Variants in LOC122539214 observed in about 807,000 individuals in gnomAD.
At chr19:52,687,475 T>TCTATATAAC in the LOC122539214 span, among the ~76,000 whole-genome samples, 1 of 57,454 alleles carries the variant, frequency 1.7e-5, no homozygotes, top group Non-Finnish European at 3.0e-5. Context: ...AATTTATATA[T>TCTATATAAC]CTATATAAAT....
At chr19:52,679,534 C>A in the LOC122539214 span, among the ~76,000 whole-genome samples, 2 of 152,144 alleles carry the variant, frequency 1.3e-5, no homozygotes, top group African/African-American at 4.8e-5. Flanking sequence ...TTGCTTGAAC[C>A]CAGAAGGTGG....
At chr19:52,670,426 G>A in the LOC122539214 span, among the ~76,000 whole-genome samples, 5 of 152,128 alleles carry the variant, frequency 3.3e-5, no homozygotes, top group African/African-American at 1.2e-4. Context: ...GTTCAGGTAC[G>A]CACTCACCAT....
At chr19:52,682,940 G>A in the LOC122539214 span, among the ~76,000 whole-genome samples, 2 of 151,922 alleles carry the variant, frequency 1.3e-5, no homozygotes, top group Non-Finnish European at 2.9e-5. Context: ...GCACCATCTC[G>A]GATTACTGCA....
the LOC122539214 span, among the ~76,000 whole-genome samples, chr19:52,681,545 G>T: frequency 6.6e-6 from 1 of 152,132 alleles, no homozygotes; most frequent in Admixed American, 6.6e-5. Context: ...CATGTCTTAA[G>T]CCATAAAATA....
chr19:52,680,586 A>C, the LOC122539214 span, among the ~76,000 whole-genome samples: 1 of 134,644 alleles, frequency 7.4e-6, no homozygotes, highest in Non-Finnish European at 1.6e-5. Flanking sequence ...GTTGTGTTTT[A>C]TTGTACTTTT....
At chr19:52,674,681 A>G in the LOC122539214 span, among the ~76,000 whole-genome samples, 126 of 151,270 alleles carry the variant, frequency 8.3e-4, no homozygotes, top group African/African-American at 2.9e-3. Flanking sequence ...AGAGAATTTA[A>G]ACTAAGATAT....
At chr19:52,676,183 G>C in the LOC122539214 span, among the ~76,000 whole-genome samples, 1 of 152,222 alleles carries the variant, frequency 6.6e-6, no homozygotes, top group African/African-American at 2.4e-5. Context: ...GGGTTTCGCT[G>C]TGTTGGTTGG....
the LOC122539214 span, among the ~76,000 whole-genome samples, chr19:52,671,018 T>C: frequency 6.6e-6 from 1 of 152,234 alleles, no homozygotes; most frequent in Non-Finnish European, 1.5e-5. Context: ...TTTTTAGTTA[T>C]TCTCTTCAGG....
At chr19:52,686,410 A>G in the LOC122539214 span, among the ~76,000 whole-genome samples, 1 of 151,270 alleles carries the variant, frequency 6.6e-6, no homozygotes, top group Admixed American at 6.6e-5. Context: ...ATTAAAAAAG[A>G]TACTCTTAAA....
At chr19:52,660,118 CCATGGTGGTAAGAAT>C in the LOC122539214 span, among the ~76,000 whole-genome samples, 49,615 of 151,814 alleles carry the variant, frequency 0.33, 8,622 homozygotes, top group East Asian at 0.56. Context: ...GGTGGTAAGA[CCATGGTGGTAAGAAT>C]CATGGTGGTA....
At chr19:52,662,055 G>A in the LOC122539214 span, among the ~76,000 whole-genome samples, 2 of 152,082 alleles carry the variant, frequency 1.3e-5, no homozygotes, top group South Asian at 4.1e-4. Flanking sequence ...GGGAGGTCCT[G>A]GGAGCACAGA....
chr19:52,684,375 T>TAAAATA, the LOC122539214 span, among the ~76,000 whole-genome samples: 1 of 150,806 alleles, frequency 6.6e-6, no homozygotes, highest in African/African-American at 2.4e-5. Context: ...TAAAATATAA[T>TAAAATA]AAAATAAAAA....
At chr19:52,666,655 T>C in the LOC122539214 span, among the ~76,000 whole-genome samples, 1 of 147,756 alleles carries the variant, frequency 6.8e-6, no homozygotes, top group Non-Finnish European at 1.5e-5. Flanking sequence ...AAATGGTAGC[T>C]TACTGACTCA....
the LOC122539214 span, among the ~76,000 whole-genome samples, chr19:52,688,693 C>T: frequency 6.6e-6 from 1 of 152,036 alleles, no homozygotes; most frequent in Non-Finnish European, 1.5e-5. Flanking sequence ...GCTCTTCTCC[C>T]CAATCTTTTG....
chr19:52,686,131 T>A, the LOC122539214 span, among the ~76,000 whole-genome samples: 3 of 152,162 alleles, frequency 2.0e-5, no homozygotes, highest in Non-Finnish European at 4.4e-5. Context: ...GTCACTGACA[T>A]CTTTACCAGG....
chr19:52,675,717 T>C, the LOC122539214 span, among the ~76,000 whole-genome samples: 2 of 151,880 alleles, frequency 1.3e-5, no homozygotes, highest in Admixed American at 1.3e-4. Context: ...AGGGCAAGGG[T>C]GGAGGGCAGA....
the LOC122539214 span, among the ~76,000 whole-genome samples, chr19:52,657,504 GGTGACAGA>G: frequency 6.7e-6 from 1 of 148,152 alleles, no homozygotes; most frequent in East Asian, 2.1e-4. Flanking sequence ...CTCCAGCCTG[GGTGACAGA>G]GTGAGACTGT....
the LOC122539214 span, among the ~76,000 whole-genome samples, chr19:52,661,920 C>A: frequency 6.6e-6 from 1 of 151,476 alleles, no homozygotes; most frequent in African/African-American, 2.4e-5. Flanking sequence ...ACAGAGAGTC[C>A]TAGGCCGAGG....
At chr19:52,686,459 C>CAT in the LOC122539214 span, among the ~76,000 whole-genome samples, 6,269 of 142,854 alleles carry the variant, frequency 0.044, 164 homozygotes, top group Middle Eastern at 0.074. Context: ...AAAAAAATTA[C>CAT]ATATATATAT....
Sources: gnomAD v4.1 joint callset for allele counts (sites outside exome capture counted in the v4.1 genomes callset) on GRCh38, gnomAD v4.1.1 for gene constraint, MANE v1.5 for transcripts.